The following HAPSTR1 variants were observed in gnomAD, a reference collection of about 807,000 sequenced individuals.
HAPSTR1 encodes the protein HUWE1 associated protein modifying stress responses.
chr16:9,118,187 C>G, the HAPSTR1 span: 1 of 152,536 alleles, frequency 6.6e-6, no homozygotes, highest in Non-Finnish European at 1.5e-5. Flanking sequence ...TGATGTCAGC[C>G]TGCCAGGTAC....
At chr16:9,102,437 C>T in the HAPSTR1 span, among the ~76,000 whole-genome samples, 3 of 152,178 alleles carry the variant, frequency 2.0e-5, no homozygotes, top group African/African-American at 7.2e-5. Context: ...GAACTGGAAG[C>T]AAAATGAGTA....
chr16:9,111,271 A>G, the HAPSTR1 span: 1 of 152,254 alleles, frequency 6.6e-6, no homozygotes, highest in African/African-American at 2.4e-5. Context: ...AACTGTTGGT[A>G]GCTGTTTAAA....
the HAPSTR1 span, chr16:9,119,310 A>G: frequency 6.6e-6 from 1 of 152,242 alleles, no homozygotes; most frequent in Non-Finnish European, 1.5e-5. Context: ...ATCATGGAAG[A>G]TTGCATACCT....
the HAPSTR1 span, chr16:9,109,998 G>C: frequency 6.6e-6 from 1 of 152,008 alleles, no homozygotes; most frequent in Non-Finnish European, 1.5e-5. Context: ...GTTAGGAGTA[G>C]GGGCAGGTGA....
the HAPSTR1 span, among the ~76,000 whole-genome samples, chr16:9,092,625 C>T: frequency 6.6e-6 from 1 of 151,954 alleles, no homozygotes; most frequent in African/African-American, 2.4e-5. Flanking sequence ...CCCATTGTGC[C>T]CTGAGCCGGC....
chr16:9,116,628 C>T, the HAPSTR1 span: 1 of 1,597,574 alleles, frequency 6.3e-7, no homozygotes. Flanking sequence ...AAAAGGGTTA[C>T]ATAATTGAGC....
At chr16:9,114,814 T>G in the HAPSTR1 span, among the ~76,000 whole-genome samples, 2 of 152,228 alleles carry the variant, frequency 1.3e-5, no homozygotes, top group African/African-American at 2.4e-5. Context: ...GAATTAACTT[T>G]TAAACTTGGG....
the HAPSTR1 span, among the ~76,000 whole-genome samples, chr16:9,100,546 T>G: frequency 5.3e-5 from 8 of 152,174 alleles, no homozygotes; most frequent in African/African-American, 1.7e-4. Context: ...TTCATCTTTT[T>G]TTTTTGAGAG....
the HAPSTR1 span, chr16:9,106,279 G>A: frequency 6.6e-6 from 1 of 151,538 alleles, no homozygotes; most frequent in Non-Finnish European, 1.5e-5. Context: ...ATCAATTTAT[G>A]GTTATCAAAT....
At chr16:9,091,701 T>TCAGCGG in the HAPSTR1 span, 2 of 399,362 alleles carry the variant, frequency 5.0e-6, no homozygotes, top group Non-Finnish European at 8.8e-6. Context: ...GGCTCGGCGA[T>TCAGCGG]CAGCGGCGGC....
At chr16:9,106,607 A>ACTT in the HAPSTR1 span, 1 of 152,014 alleles carries the variant, frequency 6.6e-6, no homozygotes, top group South Asian at 2.1e-4. Context: ...TATCAAAGCT[A>ACTT]CTTCAATTAG....
At chr16:9,107,568 T>A in the HAPSTR1 span, 1 of 152,270 alleles carries the variant, frequency 6.6e-6, no homozygotes, top group East Asian at 1.9e-4. Context: ...CTTCATGGTT[T>A]AAAGTTTCCC....
the HAPSTR1 span, chr16:9,092,409 T>A: frequency 1.4e-6 from 1 of 720,010 alleles, no homozygotes; most frequent in Non-Finnish European, 1.9e-6. Context: ...TCCGCGGCCC[T>A]GCCGCCCCCT....
At chr16:9,113,639 A>G in the HAPSTR1 span, among the ~76,000 whole-genome samples, 1 of 152,214 alleles carries the variant, frequency 6.6e-6, no homozygotes, top group Admixed American at 6.5e-5. Flanking sequence ...GAAGTAGCCC[A>G]GTTTATTGCT....
chr16:9,097,524 A>T, the HAPSTR1 span, among the ~76,000 whole-genome samples: 1 of 152,210 alleles, frequency 6.6e-6, no homozygotes, highest in African/African-American at 2.4e-5. Context: ...ACTGTGAGCC[A>T]CCATACCCAG....
the HAPSTR1 span, chr16:9,108,558 C>T: frequency 1.3e-5 from 2 of 152,178 alleles, no homozygotes; most frequent in African/African-American, 4.8e-5. Flanking sequence ...ACGTCGCCCC[C>T]ACTAAGACCT....
At chr16:9,092,312 C>T in the HAPSTR1 span, 3 of 1,433,540 alleles carry the variant, frequency 2.1e-6, no homozygotes, top group South Asian at 1.4e-5. Context: ...TGGCCGCCCC[C>T]GCCCGGGCCC....
chr16:9,109,460 C>G, the HAPSTR1 span: 13 of 152,214 alleles, frequency 8.5e-5, no homozygotes, highest in African/African-American at 2.9e-4. Flanking sequence ...CTGATTCAGA[C>G]TGTTCCATAA....
the HAPSTR1 span, chr16:9,104,156 C>T: frequency 4.0e-5 from 6 of 150,736 alleles, no homozygotes; most frequent in African/African-American, 1.2e-4. Context: ...CTCTTGTGGC[C>T]CAGGCTGGAG....
Sources: gnomAD v4.1 joint callset for allele counts (sites outside exome capture counted in the v4.1 genomes callset) on GRCh38, gnomAD v4.1.1 for gene constraint, MANE v1.5 for transcripts, NCBI Gene and HGNC (gene_info 2026-07-23, HGNC 2026-07-21) for gene names.